Variants in SYTL5 observed in about 807,000 individuals in gnomAD.
SYTL5 encodes synaptotagmin like 5, also known as synaptotagmin-like protein 5.
In SYTL5, 34 loss-of-function variants were observed where a neutral mutation model predicts 55.9. That is an observed-to-expected ratio of 0.61 (90% CI 0.46 to 0.81). The LOEUF is 0.81. Among genes scored for constraint, SYTL5 ranks in the 30% least tolerant of loss-of-function variants. SYTL5 has a pLI of 0.00. For synonymous variants in SYTL5, 221 were observed against 188.7 expected (o/e 1.17, Z -1.40); for missense variants, 637 against 546.7 (o/e 1.17, Z -1.65).
chrX:38,114,395 T>C (rs1361409147), intron 13 of SYTL5, among the ~76,000 whole-genome samples: 5 of 112,113 alleles, frequency 4.5e-5, no homozygotes, highest in Non-Finnish European at 9.4e-5. Context: ...TGTGTTGGAA[T>C]AACTGTCACC....
At chrX:37,964,155 C>T in the SYTL5 span, among the ~76,000 whole-genome samples, 2 of 111,332 alleles carry the variant, frequency 1.8e-5, no homozygotes, top group African/African-American at 3.3e-5. Flanking sequence ...AGTGCCCTTA[C>T]AAAAGAGGAC....
chrX:38,126,779 T>G lies in SYTL5; in HGVS notation c.*49T>G. 2 of 1,138,785 alleles carry G rather than the reference T, an allele frequency of 1.8e-6. No homozygotes were observed. Among genetic ancestry groups the G allele is most frequent in the South Asian group, 4.1e-5 (2 of 48,515 alleles). The allele number at this position is 1,138,785 out of a possible 1,213,427, so 93.8% of individuals were successfully genotyped here. A position where few individuals can be genotyped will look rare whatever the true frequency, so the allele number is the denominator to read the frequency against. ...GGCCACCAGGACCTATCTGGCTGTC[T>G]TTTCCTACCATTAGCAAACTGAGAC... is the stretch of plus-strand genomic sequence containing the variant. On this transcript the variant is annotated 3_prime_UTR_variant, in exon 17 of 17. Transcript: ENST00000297875.
the SYTL5 span, among the ~76,000 whole-genome samples, chrX:37,998,546 T>C: frequency 1.8e-4 from 20 of 112,126 alleles, no homozygotes; most frequent in African/African-American, 6.2e-4. Flanking sequence ...TTGCAGCAGC[T>C]GGCATGTCTG....
In SYTL5 at chrX:38,126,864, T is replaced by C. The variant is rs143821291; in HGVS notation, c.*134T>C. The C allele has an allele frequency of 1.6e-3, 1,022 of 634,334 alleles. 6 individuals are homozygous for C. In the African/African-American group the frequency reaches 0.02, roughly 13 times the overall value. The allele number at this position is 634,334 out of a possible 1,213,427, so 52.3% of individuals were successfully genotyped here. A position where few individuals can be genotyped will look rare whatever the true frequency, so the allele number is the denominator to read the frequency against. ...CAGTGTTGGGACATGAGGGGAGAGA[T>C]GTCAGTAGTATGAACATTTAGGGTC... On this transcript the variant is annotated 3_prime_UTR_variant, in exon 17 of 17. Transcript: ENST00000297875.
At chrX:37,907,143 G>A in the SYTL5 span, among the ~76,000 whole-genome samples, 1 of 111,898 alleles carries the variant, frequency 8.9e-6, no homozygotes, top group African/African-American at 3.3e-5. Context: ...TTGGTTTGAT[G>A]CAATGTTAAC....
intron 13 of SYTL5, among the ~76,000 whole-genome samples, chrX:38,111,368 C>T (rs1417648627): frequency 9.0e-6 from 1 of 111,708 alleles, no homozygotes; most frequent in Non-Finnish European, 1.9e-5. Context: ...ACATTCTACG[C>T]ATGGCCGTCA....
At chrX:38,083,012 A>G (rs935182110) in intron 6 of SYTL5, among the ~76,000 whole-genome samples, 1 of 111,852 alleles carries the variant, frequency 8.9e-6, no homozygotes, top group Admixed American at 9.5e-5. Flanking sequence ...ATTCTGAACT[A>G]CTAAGTATGG....
chrX:37,995,001 G>A, the SYTL5 span, among the ~76,000 whole-genome samples: 72 of 111,549 alleles, frequency 6.5e-4, no homozygotes, highest in African/African-American at 2.2e-3. Flanking sequence ...CTGAAGCGGG[G>A]GAAGGGGTGG....
the SYTL5 span, among the ~76,000 whole-genome samples, chrX:37,955,864 C>T: frequency 9.0e-6 from 1 of 111,240 alleles, no homozygotes; most frequent in Non-Finnish European, 1.9e-5. Context: ...TTAGGCATCA[C>T]CACAAAGTGA....
chrX:37,950,704 C>T, the SYTL5 span, among the ~76,000 whole-genome samples: 1 of 111,067 alleles, frequency 9.0e-6, no homozygotes, highest in Non-Finnish European at 1.9e-5. Context: ...AAATATTATT[C>T]ATTAACAGTT....
chrX:38,051,525 T>C (rs979452495), intron 2 of SYTL5, among the ~76,000 whole-genome samples: 22 of 111,635 alleles, frequency 2.0e-4, no homozygotes, highest in African/African-American at 7.2e-4. Flanking sequence ...TTAATTATTA[T>C]CCATTTCAAT....
intron 2 of SYTL5, among the ~76,000 whole-genome samples, chrX:38,041,199 G>A (rs778727353): frequency 4.5e-5 from 5 of 112,012 alleles, no homozygotes; most frequent in Non-Finnish European, 7.5e-5. Flanking sequence ...TTGGAATCCT[G>A]CAGATAAGTT....
chrX:38,108,508 C>A, intron 11 of SYTL5, 92 bp from the exon 12 acceptor site: 1 of 613,869 alleles, frequency 1.6e-6, no homozygotes, highest in Non-Finnish European at 2.6e-6. Context: ...TGCTCACTGG[C>A]CCTTTGCCCC....
intron 8 of SYTL5, among the ~76,000 whole-genome samples, chrX:38,094,855 T>A (rs1323297424): frequency 8.9e-6 from 1 of 111,931 alleles, no homozygotes; most frequent in Non-Finnish European, 1.9e-5. Context: ...AAATAAGAAG[T>A]TATTTGCAAG....
At chrX:38,038,595 A>T (rs1206412000) in intron 2 of SYTL5, among the ~76,000 whole-genome samples, 1 of 112,058 alleles carries the variant, frequency 8.9e-6, no homozygotes, top group Non-Finnish European at 1.9e-5. Flanking sequence ...AGTAAGATAG[A>T]AACTGAAGCA....
intron 7 of SYTL5, among the ~76,000 whole-genome samples, chrX:38,091,213 CAAAG>C: frequency 8.9e-6 from 1 of 111,824 alleles, no homozygotes. Flanking sequence ...GGTTTTGAAA[CAAAG>C]AGATAGTGGA....
chrX:38,007,631 T>A (rs1023445273), intron 1 of SYTL5, among the ~76,000 whole-genome samples: 1 of 111,688 alleles, frequency 9.0e-6, no homozygotes, highest in Middle Eastern at 4.6e-3. Context: ...GTATATAATT[T>A]TTTCATTTTG....
chrX:38,049,018 G>A (rs1490432768), intron 2 of SYTL5, among the ~76,000 whole-genome samples: 1 of 111,768 alleles, frequency 8.9e-6, no homozygotes, highest in South Asian at 3.8e-4. Context: ...AGTGTTGATG[G>A]CATTGTCTCT....
intron 13 of SYTL5, among the ~76,000 whole-genome samples, 180 bp downstream of exon 13, chrX:38,110,662 C>G (rs1937337346): frequency 8.9e-6 from 1 of 111,911 alleles, no homozygotes; most frequent in Non-Finnish European, 1.9e-5. Context: ...TTTGGAAATT[C>G]TTTGTCAATA....
Sources: allele counts gnomAD v4.1 joint callset (sites outside exome capture counted in the v4.1 genomes callset), GRCh38; gene constraint gnomAD v4.1.1; transcripts MANE v1.5; gene names NCBI Gene and HGNC (gene_info 2026-07-23, HGNC 2026-07-21).